The following PARD3 variants were observed in gnomAD, a reference collection of about 807,000 sequenced individuals.
The protein encoded by PARD3 is par-3 family cell polarity regulator.
A neutral mutation model predicts 155.4 loss-of-function variants in PARD3; 75 were observed. The observed-to-expected ratio is 0.48, with a 90% confidence interval of 0.40 to 0.58. PARD3 has a LOEUF of 0.58. PARD3 is among the 20% of genes least tolerant of loss of function. The probability of loss-of-function intolerance (pLI) is 0.00; values close to 1 mark genes in which losing one functional copy is unlikely to be tolerated. For missense variants in PARD3, 1,642 were observed against 1,721.7 expected (o/e 0.95, Z 0.82); for synonymous variants, 576 against 610.5 (o/e 0.94, Z 0.83).
At chr10:34,160,575 A>G (rs924269940) in intron 22 of PARD3, among the ~76,000 whole-genome samples, 1 of 152,242 alleles carries the variant, frequency 6.6e-6, no homozygotes. Flanking sequence ...GTCACACTAC[A>G]TTTTACAGAC....
chr10:34,134,779 A>AG (rs1564421131), intron 22 of PARD3, among the ~76,000 whole-genome samples: 1 of 152,248 alleles, frequency 6.6e-6, no homozygotes, highest in African/African-American at 2.4e-5. Context: ...AAAGACTGGA[A>AG]GACCGTCAAG....
intron 22 of PARD3, among the ~76,000 whole-genome samples, chr10:34,218,481 C>T (rs1301954486): frequency 1.3e-5 from 2 of 152,130 alleles, no homozygotes; most frequent in Non-Finnish European, 2.9e-5. Context: ...CACTCCGTCC[C>T]CACCCAACCC....
chr10:34,475,729 T>C (rs2078662859), intron 3 of PARD3, among the ~76,000 whole-genome samples: 1 of 152,220 alleles, frequency 6.6e-6, no homozygotes, highest in African/African-American at 2.4e-5. Context: ...CTTTATGTAC[T>C]GGGAAGCAGT....
intron 1 of PARD3, among the ~76,000 whole-genome samples, chr10:34,732,959 G>A (rs909043054): frequency 9.2e-5 from 14 of 152,070 alleles, no homozygotes; most frequent in Non-Finnish European, 2.1e-4. Flanking sequence ...AGGGACCCAC[G>A]GAGGAGCTCC....
At chr10:34,372,036 T>C (rs956745240) in intron 12 of PARD3, among the ~76,000 whole-genome samples, 1 of 152,176 alleles carries the variant, frequency 6.6e-6, no homozygotes, top group African/African-American at 2.4e-5. Flanking sequence ...ATAGTTATTC[T>C]AACAACTATG....
In PARD3 at chr10:34,384,345, A is replaced by G. The variant is rs1842137840; in HGVS notation, c.891-91T>C. 1.9e-5 allele frequency: 23 copies of G among 1,195,576 alleles called. No homozygotes were observed. The East Asian group carries it at 5.5e-4, about 29-fold the overall frequency. The allele number at this position is 1,195,576 out of a possible 1,614,324, so 74.1% of individuals were successfully genotyped here. A position where few individuals can be genotyped will look rare whatever the true frequency, so the allele number is the denominator to read the frequency against. ...TTTAATGCTGTTATTATATTTACAA[A>G]GATGTCCTTACAAAGGAGCATGTTA... is the stretch of plus-strand genomic sequence containing the variant. On this transcript the variant is annotated intron_variant, in intron 7 of 24. Transcript: ENST00000374788.
At chr10:34,340,509 T>G (rs957791689) in intron 16 of PARD3, among the ~76,000 whole-genome samples, 1 of 152,216 alleles carries the variant, frequency 6.6e-6, no homozygotes, top group African/African-American at 2.4e-5. Context: ...GTAGTTCTAT[T>G]TTTAAATCCT....
intron 22 of PARD3, among the ~76,000 whole-genome samples, chr10:34,200,085 T>A (rs767974967): frequency 6.6e-6 from 1 of 152,198 alleles, no homozygotes; most frequent in Admixed American, 6.5e-5. Context: ...ATCATGTAGA[T>A]CTTGGTTACA....
chr10:34,420,894 G>A (rs1025737680), intron 5 of PARD3, among the ~76,000 whole-genome samples: 1 of 152,150 alleles, frequency 6.6e-6, no homozygotes, highest in Non-Finnish European at 1.5e-5. Context: ...CTGCAAAACA[G>A]GCCAGGAGTA....
chr10:34,401,975 T>A, intron 5 of PARD3, 58 bp from the exon 6 acceptor site: 2 of 1,341,174 alleles, frequency 1.5e-6, no homozygotes, highest in Non-Finnish European at 2.1e-6. Context: ...TGCTACAATG[T>A]GAAAGGAAAC....
At chr10:34,247,269 A>T (rs1954015026) in intron 22 of PARD3, among the ~76,000 whole-genome samples, 1 of 152,218 alleles carries the variant, frequency 6.6e-6, no homozygotes, top group Non-Finnish European at 1.5e-5. Flanking sequence ...TGGGAGGCCA[A>T]GGTGGGTGGA....
At chr10:34,459,236 G>C (rs1026525697) in intron 4 of PARD3, among the ~76,000 whole-genome samples, 2 of 151,922 alleles carry the variant, frequency 1.3e-5, no homozygotes, top group Non-Finnish European at 2.9e-5. Context: ...GCGTGATCTC[G>C]GCTCACTGCA....
At chr10:34,149,048 A>G (rs571250837) in intron 22 of PARD3, among the ~76,000 whole-genome samples, 5 of 152,290 alleles carry the variant, frequency 3.3e-5, no homozygotes, top group South Asian at 2.1e-4. Flanking sequence ...CCATTGTATA[A>G]TAAGTATCTT....
intron 21 of PARD3, among the ~76,000 whole-genome samples, chr10:34,278,851 C>G (rs182389170): frequency 2.0e-5 from 3 of 152,310 alleles, no homozygotes; most frequent in Non-Finnish European, 4.4e-5. Flanking sequence ...AACCAGTTGT[C>G]TTATACTGAC....
intron 2 of PARD3, among the ~76,000 whole-genome samples, chr10:34,654,575 C>G (rs1211861993): frequency 6.6e-6 from 1 of 152,218 alleles, no homozygotes. Context: ...CACAAAAACT[C>G]CTGCATTGCT....
Position 34,393,994 on chromosome 10 carries a change from C to T in PARD3, c.890+5336G>A, listed in dbSNP as rs147045813. 7.6e-3 allele frequency among the ~76,000 whole-genome samples: 1,148 copies of T among 152,030 alleles called. 17 individuals carry two copies. Among genetic ancestry groups the T allele is most frequent in the African/African-American group, 0.026 (1,084 of 41,456 alleles). Reference sequence around the variant, plus strand: ...CTGGGATTACAGGCGCACATCACCACGCCCAGCTAATTTTTGTATTTTTAG... The same window carrying T: ...CTGGGATTACAGGCGCACATCACCATGCCCAGCTAATTTTTGTATTTTTAG... On this transcript the variant is annotated intron_variant, in intron 7 of 24. Coordinates refer to ENST00000374788, the MANE Select transcript of PARD3 (RefSeq NM_001184785.2).
At chr10:34,337,154 C>T (rs1408305431) in intron 17 of PARD3, 121 bp downstream of exon 17, 9 of 605,192 alleles carry the variant, frequency 1.5e-5, no homozygotes, top group Non-Finnish European at 2.3e-5. Context: ...GCCAAATTGC[C>T]ACATTTCACA....
At chr10:34,259,040 C>A (rs1954810215) in intron 22 of PARD3, among the ~76,000 whole-genome samples, 1 of 151,904 alleles carries the variant, frequency 6.6e-6, no homozygotes, top group Admixed American at 6.6e-5. Flanking sequence ...CTGACTCCAG[C>A]TTGGGTGACA....
intron 23 of PARD3, among the ~76,000 whole-genome samples, chr10:34,130,362 T>C (rs1371911342): frequency 6.6e-6 from 1 of 152,160 alleles, no homozygotes; most frequent in Non-Finnish European, 1.5e-5. Context: ...CTTTCTGCCA[T>C]GTCTATCTTC....
Sources: allele counts gnomAD v4.1 joint callset (sites outside exome capture counted in the v4.1 genomes callset), GRCh38; gene constraint gnomAD v4.1.1; transcripts MANE v1.5; gene names NCBI Gene and HGNC (gene_info 2026-07-23, HGNC 2026-07-21).